The following PIGL variants were observed in gnomAD, a reference collection of about 807,000 sequenced individuals.
PIGL encodes the protein N-acetylglucosaminyl-phosphatidylinositol de-N-acetylase.
PIGL carries 22 observed loss-of-function variants against 31.1 expected under a neutral mutation model. The observed-to-expected ratio is 0.71, with a 90% CI of 0.51 to 1.01. The LOEUF is 1.01. Among genes scored for constraint, PIGL ranks in the 50% least tolerant of loss-of-function variants. The pLI is 0.00. For missense variants in PIGL, 302 were observed against 315.9 expected, an observed-to-expected ratio of 0.96 and a Z score of 0.33; for synonymous variants, 131 against 117.4, an observed-to-expected ratio of 1.12 and a Z score of -0.75.
At chr17:16,264,605 T>C (rs1057375751) in intron 2 of PIGL, among the ~76,000 whole-genome samples, 5 of 4,150 alleles carry the variant, frequency 1.2e-3, no homozygotes, top group African/African-American at 1.4e-3. Context: ...TCGTCATTAT[T>C]ATTATTATTA....
chr17:16,322,544 A>G (rs903441112), intron 6 of PIGL, among the ~76,000 whole-genome samples: 1 of 152,100 alleles, frequency 6.6e-6, no homozygotes, highest in South Asian at 2.1e-4. Context: ...TCCTATTGTC[A>G]TTTAATTATA....
At chr17:16,239,079 A>C (rs1568787410) in intron 2 of PIGL, among the ~76,000 whole-genome samples, 1 of 151,922 alleles carries the variant, frequency 6.6e-6, no homozygotes, top group Non-Finnish European at 1.5e-5. Flanking sequence ...CGCACCCTGT[A>C]GTCCTGGATA....
intron 2 of PIGL, among the ~76,000 whole-genome samples, chr17:16,270,453 T>C (rs1168996326): frequency 3.3e-5 from 5 of 151,692 alleles, no homozygotes; most frequent in African/African-American, 9.7e-5. Flanking sequence ...AATTATAAAT[T>C]AATTAATTAT....
chr17:16,258,687 G>C (rs2092807521), intron 2 of PIGL, among the ~76,000 whole-genome samples: 1 of 151,840 alleles, frequency 6.6e-6, no homozygotes, highest in Non-Finnish European at 1.5e-5. Context: ...TTTTAGTAGA[G>C]ATGGGATTTC....
At chr17:16,282,984 A>G (rs547409272) in intron 2 of PIGL, among the ~76,000 whole-genome samples, 1 of 150,232 alleles carries the variant, frequency 6.7e-6, no homozygotes, top group East Asian at 2.0e-4. Context: ...ACATGGCGAG[A>G]CCCCATGTCT....
intron 3 of PIGL, among the ~76,000 whole-genome samples, chr17:16,312,209 G>A (rs1260109729): frequency 6.6e-5 from 10 of 150,898 alleles, no homozygotes; most frequent in African/African-American, 1.7e-4. Flanking sequence ...CAGATGGGGC[G>A]GCTGCCGGGC....
At chr17:16,283,203 A>G (rs1325869374) in intron 2 of PIGL, among the ~76,000 whole-genome samples, 1 of 152,038 alleles carries the variant, frequency 6.6e-6, no homozygotes, top group East Asian at 1.9e-4. Flanking sequence ...GGATTTCACC[A>G]TGTTGGCCAG....
At chr17:16,270,424 C>CAATTAATTATAAATTATTAATTATAAATT (rs1199307493) in intron 2 of PIGL, among the ~76,000 whole-genome samples, 6 of 151,554 alleles carry the variant, frequency 4.0e-5, no homozygotes, top group Non-Finnish European at 5.9e-5. Context: ...TGTGATCCAA[C>CAATTAATTATAAATTATTAATTATAAATT]AATTAATTAT....
chr17:16,222,197 T>G (rs949270087), intron 1 of PIGL, among the ~76,000 whole-genome samples: 1 of 152,126 alleles, frequency 6.6e-6, no homozygotes, highest in East Asian at 1.9e-4. Flanking sequence ...ATGGAGAAAG[T>G]ACTATGGACA....
chr17:16,270,573 C>T (rs888955356), intron 2 of PIGL, among the ~76,000 whole-genome samples: 2 of 151,920 alleles, frequency 1.3e-5, no homozygotes, highest in Non-Finnish European at 2.9e-5. Flanking sequence ...CTCCTACCAA[C>T]AAGCATATGC....
chr17:16,306,748 C>T (rs1432328275), intron 3 of PIGL, among the ~76,000 whole-genome samples: 2 of 151,978 alleles, frequency 1.3e-5, no homozygotes, highest in South Asian at 2.1e-4. Flanking sequence ...AGGCTGGTCT[C>T]GAACCCCCAA....
At chr17:16,227,254 G>T (rs1297518928) in intron 1 of PIGL, among the ~76,000 whole-genome samples, 4 of 151,152 alleles carry the variant, frequency 2.6e-5, no homozygotes, top group African/African-American at 9.7e-5. Context: ...GATTACAGGC[G>T]CGTGCCACCA....
At chr17:16,301,726 C>G (rs1242110628) in intron 3 of PIGL, among the ~76,000 whole-genome samples, 1 of 152,008 alleles carries the variant, frequency 6.6e-6, no homozygotes, top group Non-Finnish European at 1.5e-5. Context: ...CGCCCACCAC[C>G]ACACCCAGCT....
intron 2 of PIGL, among the ~76,000 whole-genome samples, chr17:16,260,121 G>A (rs576613851): frequency 6.6e-6 from 1 of 152,334 alleles, no homozygotes; most frequent in African/African-American, 2.4e-5. Context: ...GGAGGCCGAG[G>A]GGGTGCTGAG....
At chr17:16,253,150 A>G (rs1462672066) in intron 2 of PIGL, among the ~76,000 whole-genome samples, 1 of 152,076 alleles carries the variant, frequency 6.6e-6, no homozygotes, top group Non-Finnish European at 1.5e-5. Context: ...GTTACCCGGG[A>G]GGCTGAGGCA....
chr17:16,251,918 T>C (rs2092773507), intron 2 of PIGL, among the ~76,000 whole-genome samples: 1 of 152,076 alleles, frequency 6.6e-6, no homozygotes, highest in Non-Finnish European at 1.5e-5. Flanking sequence ...GGGAACGGTA[T>C]GTGATTGAGA....
At position 16,228,221 on chromosome 17, in the gene PIGL, AT is replaced by A. The variant is rs1033433036; in HGVS notation, c.236-5743del. On this transcript the variant is annotated intron_variant, in intron 1 of 6. Coordinates refer to ENST00000225609, the MANE Select transcript of PIGL (RefSeq NM_004278.4). ...CACCCACCACCACCATGCCCGGCTA[AT>A]TTTTTTATATTTTTATTAGAGAATG... Among the ~76,000 whole-genome samples, 76 of 150,236 alleles carry A rather than the reference AT, an allele frequency of 5.1e-4. 1 individual carries two copies. The highest frequency in any genetic ancestry group is 1.8e-3 in the African/African-American group (72 of 40,916).
intron 2 of PIGL, among the ~76,000 whole-genome samples, chr17:16,263,555 C>T (rs113980308): frequency 6.0e-4 from 90 of 149,358 alleles, no homozygotes; most frequent in African/African-American, 2.1e-3. Context: ...AACGAAGTCT[C>T]GCTCTGTTGC....
At chr17:16,258,590 G>A (rs914926670) in intron 2 of PIGL, among the ~76,000 whole-genome samples, 8 of 151,802 alleles carry the variant, frequency 5.3e-5, no homozygotes, top group East Asian at 1.9e-4. Flanking sequence ...TGCAACCTCC[G>A]CCTCCCGGGC....
Sources: allele counts gnomAD v4.1 joint callset (sites outside exome capture counted in the v4.1 genomes callset), GRCh38; gene constraint gnomAD v4.1.1; transcripts MANE v1.5; gene names NCBI Gene and HGNC (gene_info 2026-07-23, HGNC 2026-07-21).